The following BLOC1S3 variants were observed in gnomAD, a reference collection of about 807,000 sequenced individuals.
The protein encoded by BLOC1S3 is biogenesis of lysosome-related organelles complex 1 subunit 3.
In BLOC1S3, 7 loss-of-function variants were observed where a neutral mutation model predicts 9.1. The observed-to-expected ratio is 0.77, with a 90% CI of 0.44 to 1.45. The LOEUF (loss-of-function observed/expected upper bound fraction) is 1.45, where lower values mean the gene tolerates loss of function less well. BLOC1S3 is among the 40% of genes most tolerant of loss of function. The probability of loss-of-function intolerance (pLI) is 0.01; values close to 1 mark genes in which losing one functional copy is unlikely to be tolerated. For synonymous variants in BLOC1S3, 145 were observed against 158.4 expected (o/e 0.92, Z 0.64); for missense variants, 307 against 315.2 (o/e 0.97, Z 0.20).
intron 3 of BLOC1S3, among the ~76,000 whole-genome samples, chr19:45,206,033 T>A (rs575821907): frequency 4.8e-4 from 73 of 152,218 alleles, no homozygotes; most frequent in African/African-American, 1.7e-3. Flanking sequence ...GGCAACATAC[T>A]GAGATACCGT....
intron 2 of BLOC1S3, among the ~76,000 whole-genome samples, chr19:45,191,751 C>A (rs1438618619): frequency 6.6e-6 from 1 of 152,244 alleles, no homozygotes; most frequent in Admixed American, 6.5e-5. Flanking sequence ...GGCAGAGATT[C>A]TTGTCTTCTT....
At chr19:45,205,648 C>A (rs1383832549) in intron 3 of BLOC1S3, among the ~76,000 whole-genome samples, 1 of 151,946 alleles carries the variant, frequency 6.6e-6, no homozygotes, top group East Asian at 1.9e-4. Context: ...AATTAGATTC[C>A]ATCAAAATTA....
chr19:45,194,571 T>C (rs1969633400), intron 2 of BLOC1S3, among the ~76,000 whole-genome samples: 2 of 152,206 alleles, frequency 1.3e-5, no homozygotes, highest in South Asian at 4.1e-4. Flanking sequence ...ACAATCTAAA[T>C]GTCAATCCAT....
rs60943621 is a variant in BLOC1S3 at position 45,190,772 on chromosome 19, CTTTTATTTTATTTTA to C, written n.180+3067_180+3081del. Among the ~76,000 whole-genome samples the C allele has an allele frequency of 5.1e-4, 49 of 95,186 alleles. 2 individuals carry two copies. In the East Asian group the frequency reaches 7.0e-3, roughly 14 times the overall value. 62.4% of individuals were successfully genotyped at this position (95,186 alleles called of 152,430 possible). ...GTCTCTCTATGATTGGTCACTGATG[CTTTTATTTTATTTTA>C]TTTTATTTTATTTTATTTTATTTTA... On this transcript the variant is annotated intron_variant and non_coding_transcript_variant, in intron 2 of 3. Transcript: ENST00000591569.
chr19:45,207,127 G>A (rs1054672014), intron 3 of BLOC1S3, among the ~76,000 whole-genome samples: 3 of 151,008 alleles, frequency 2.0e-5, no homozygotes, highest in Admixed American at 6.6e-5. Context: ...GTAAGCCACC[G>A]CGCCCAGCTA....
At chr19:45,216,465 A>G (rs1015839333) in intron 3 of BLOC1S3, among the ~76,000 whole-genome samples, 2 of 151,970 alleles carry the variant, frequency 1.3e-5, no homozygotes, top group African/African-American at 4.8e-5. Context: ...TGTAATCCCA[A>G]CTACTCAGGA....
chr19:45,209,680 C>CA (rs1969753710), intron 3 of BLOC1S3, among the ~76,000 whole-genome samples: 1 of 150,136 alleles, frequency 6.7e-6, no homozygotes, highest in Non-Finnish European at 1.5e-5. Context: ...CTCGGCCTCC[C>CA]AAAGTGCTGG....
At chr19:45,211,111 C>G (rs1969766932) in intron 3 of BLOC1S3, among the ~76,000 whole-genome samples, 1 of 151,676 alleles carries the variant, frequency 6.6e-6, no homozygotes, top group East Asian at 2.0e-4. Context: ...GACCCTGTCT[C>G]TAAAAAATAA....
chr19:45,212,933 G>T, intron 3 of BLOC1S3: 1 of 1,003,930 alleles, frequency 1.0e-6, no homozygotes, highest in Non-Finnish European at 1.4e-6. Flanking sequence ...GTTTGGGGTT[G>T]GGTGAAAAGA....
At chr19:45,200,661 T>C (rs1969684495) in intron 2 of BLOC1S3, among the ~76,000 whole-genome samples, 1 of 152,222 alleles carries the variant, frequency 6.6e-6, no homozygotes, top group South Asian at 2.1e-4. Flanking sequence ...ACTGGAGCCT[T>C]GTTTAGTTCA....
rs71173125 is a variant in BLOC1S3, at chr19:45,210,289, C to CTTTT, written n.283-6362_283-6359dup. Among the ~76,000 whole-genome samples, 22 of 74,422 alleles carry CTTTT rather than the reference C, an allele frequency of 3.0e-4. 1 individual carries two copies. Among genetic ancestry groups the CTTTT allele is most frequent in the African/African-American group, 4.8e-4 (9 of 18,690 alleles). 48.8% of individuals were successfully genotyped at this position (74,422 alleles called of 152,430 possible). A position where few individuals can be genotyped will look rare whatever the true frequency, so the allele number is the denominator to read the frequency against. On this transcript the variant is annotated intron_variant and non_coding_transcript_variant, in intron 3 of 3. Coordinates refer to the BLOC1S3 transcript ENST00000591569. Reference sequence around the variant, plus strand: ...ATATACATAAAATTTACTATTTTAACTTTTTTTTTTTTTTTTTTTTTTTTT... The same window carrying CTTTT: ...ATATACATAAAATTTACTATTTTAACTTTTTTTTTTTTTTTTTTTTTTTTTTTTT...
At chr19:45,188,355 T>C (rs934593002) in intron 2 of BLOC1S3, among the ~76,000 whole-genome samples, 4 of 151,728 alleles carry the variant, frequency 2.6e-5, no homozygotes, top group Admixed American at 1.3e-4. Flanking sequence ...TTTTTCTTTT[T>C]AATAGAGATA....
At chr19:45,193,160 A>AAAAAG (rs1969620190) in intron 2 of BLOC1S3, among the ~76,000 whole-genome samples, 1 of 142,442 alleles carries the variant, frequency 7.0e-6, no homozygotes, top group East Asian at 2.0e-4. Flanking sequence ...AAAAAAAAAA[A>AAAAAG]GAGACTATTT....
At chr19:45,195,874 C>T (rs547749774) in intron 2 of BLOC1S3, among the ~76,000 whole-genome samples, 1 of 152,248 alleles carries the variant, frequency 6.6e-6, no homozygotes, top group Admixed American at 6.5e-5. Flanking sequence ...GGATTACGGG[C>T]GTGAGCCACC....
intron 3 of BLOC1S3, chr19:45,213,066 C>A: frequency 6.8e-7 from 1 of 1,479,542 alleles, no homozygotes; most frequent in Non-Finnish European, 8.9e-7. Flanking sequence ...GGTTGGGTGA[C>A]CCTCAGCGCT....
chr19:45,202,040 G>A (rs1009192936), intron 2 of BLOC1S3, among the ~76,000 whole-genome samples: 3 of 151,728 alleles, frequency 2.0e-5, no homozygotes, highest in Admixed American at 6.6e-5. Flanking sequence ...TGGCTAACAT[G>A]GTGAAACCCC....
chr19:45,184,565 C>T (rs950242006), downstream of BLOC1S3, among the ~76,000 whole-genome samples: 2 of 152,052 alleles, frequency 1.3e-5, no homozygotes, highest in Non-Finnish European at 2.9e-5. Flanking sequence ...ATGATTGTGC[C>T]ATTGCACTCG....
chr19:45,208,513 A>T (rs1342305779), intron 3 of BLOC1S3, among the ~76,000 whole-genome samples: 1 of 151,750 alleles, frequency 6.6e-6, no homozygotes, highest in Non-Finnish European at 1.5e-5. Context: ...CAGCACTTTG[A>T]GGCCCAGGTG....
chr19:45,190,929 C>T (rs1969602478), intron 2 of BLOC1S3, among the ~76,000 whole-genome samples: 1 of 150,416 alleles, frequency 6.6e-6, no homozygotes, highest in Non-Finnish European at 1.5e-5. Flanking sequence ...CCTCAGCCTC[C>T]TGAGTAGCTG....
Sources: gnomAD v4.1 joint callset for allele counts (sites outside exome capture counted in the v4.1 genomes callset) on GRCh38, gnomAD v4.1.1 for gene constraint, MANE v1.5 for transcripts, NCBI Gene and HGNC (gene_info 2026-07-23, HGNC 2026-07-21) for gene names.